The following ERICH6 variants were observed in gnomAD, a reference collection of about 807,000 sequenced individuals.
The protein encoded by ERICH6 is glutamate-rich protein 6.
A neutral mutation model predicts 71.0 loss-of-function variants in ERICH6; 71 were observed. The ratio of observed to expected loss-of-function variants is 1.00; its 90% CI spans 0.83 to 1.22. The LOEUF is 1.22. Ranked by LOEUF, ERICH6 falls within the 50% of genes most tolerant of loss-of-function variation. ERICH6 has a pLI of 0.00. For missense variants in ERICH6, 808 were observed against 797.2 expected, an observed-to-expected ratio of 1.01 and a Z score of -0.16; for synonymous variants, 262 against 278.4, an observed-to-expected ratio of 0.94 and a Z score of 0.59.
chr3:150,679,357 C>G (rs1298068057), intron 9 of ERICH6, among the ~76,000 whole-genome samples: 2 of 151,910 alleles, frequency 1.3e-5, no homozygotes, highest in Non-Finnish European at 2.9e-5. Flanking sequence ...GTCTTTTATC[C>G]CTCACTACCC....
chr3:150,666,709 A>C (rs912808282), intron 13 of ERICH6, 78 bp downstream of exon 13: 3 of 1,242,606 alleles, frequency 2.4e-6, no homozygotes, highest in Non-Finnish European at 3.4e-6. Context: ...GTAATCTATC[A>C]GTAATAATAC....
rs768530242 is a variant in ERICH6, at chr3:150,702,101, A to C, written c.461+20T>G. On this transcript the variant is annotated intron_variant, in intron 2 of 13. Transcript: ENST00000295910. ...CATTATTGGGTTCAAAAAATGTGAA[A>C]TTTGAAAACATTTTCTTACCTATCT... The C allele has an allele frequency of 6.7e-7, 1 of 1,497,744 alleles. No individual in the cohort carries two copies. The highest frequency in any genetic ancestry group is 9.2e-7 in the Non-Finnish European group (1 of 1,089,826). 92.8% of individuals were successfully genotyped at this position (1,497,744 alleles called of 1,614,324 possible). A position where few individuals can be genotyped will look rare whatever the true frequency, so the allele number is the denominator to read the frequency against.
chr3:150,694,137 C>T (rs1367162619), intron 3 of ERICH6, among the ~76,000 whole-genome samples: 1 of 152,050 alleles, frequency 6.6e-6, no homozygotes, highest in Non-Finnish European at 1.5e-5. Flanking sequence ...CTTCATAGGA[C>T]ATGAGACTTC....
intron 7 of ERICH6, among the ~76,000 whole-genome samples, chr3:150,681,669 C>A (rs1711942974): frequency 6.6e-6 from 1 of 152,190 alleles, no homozygotes; most frequent in Non-Finnish European, 1.5e-5. Flanking sequence ...CTCAGCAGTA[C>A]ATGTGGGTTC....
chr3:150,679,334 G>C (rs756828830), intron 9 of ERICH6, among the ~76,000 whole-genome samples: 4 of 152,074 alleles, frequency 2.6e-5, no homozygotes, highest in Non-Finnish European at 5.9e-5. Flanking sequence ...TACTACCTGA[G>C]CAGTGATGTG....
At chr3:150,667,807 T>G (rs762687945) in intron 12 of ERICH6, among the ~76,000 whole-genome samples, 5 of 152,170 alleles carry the variant, frequency 3.3e-5, no homozygotes, top group Non-Finnish European at 4.4e-5. Context: ...GATAATAAAT[T>G]ATTTTTTGAA....
chr3:150,673,273 G>C (rs553200505), intron 11 of ERICH6, among the ~76,000 whole-genome samples: 73 of 149,180 alleles, frequency 4.9e-4, no homozygotes, highest in African/African-American at 1.8e-3. Flanking sequence ...CTGCAGCCTT[G>C]ACCCCTCGGG....
Position 150,669,401 on chromosome 3 carries a change from C to A in ERICH6, c.1394G>T (p.Gly465Val). 6.2e-7 allele frequency: 1 copy of A among 1,613,628 alleles called. No individual in the cohort carries two copies. The highest frequency in any genetic ancestry group is 8.5e-7 in the Non-Finnish European group (1 of 1,179,800). The change falls in exon 12 of 14, where the codon GGT (glycine) becomes GTT (valine). Residue 465 changes from glycine (G) to valine (V), a missense_variant. Physicochemically the swap from Gly to Val is moderately radical, Grantham distance 109. This residue lies in a region of ERICH6 where 736 missense variants were observed against 712.2 expected (regional missense o/e 1.03). Coordinates refer to ENST00000295910, the MANE Select transcript of ERICH6 (RefSeq NM_152394.5). Reference protein sequence around the residue: ...AIIRVPNKVNGFTCIVQEDMP... With the variant: ...AIIRVPNKVNVFTCIVQEDMP... The stretch of plus-strand genomic sequence containing the variant: ...ATCTTCTTGGACTATACAAGTAAAA[C>A]CATTTACCTTGTTGGGCACTCGAAT...
At chr3:150,665,117 T>C (rs1293567442) in intron 13 of ERICH6, among the ~76,000 whole-genome samples, 1 of 152,150 alleles carries the variant, frequency 6.6e-6, no homozygotes, top group East Asian at 1.9e-4. Flanking sequence ...TGCAGATTTC[T>C]AACCAAGAAA....
chr3:150,667,000 G>A lies in ERICH6; in HGVS notation c.1515C>T (p.Ile505=). ...PNGNVWVYIN[I]LGGQYSDQAG... The stretch of plus-strand genomic sequence containing the variant: ...CTTGATCTGAATATTGACCTCCCAA[G>A]ATATTGATGTATACCCTGGTCAGGA... Residue 505 remains isoleucine (I), a synonymous_variant, in exon 13 of 14, where the codon ATC becomes ATT. Coordinates refer to ENST00000295910, the MANE Select transcript of ERICH6 (RefSeq NM_152394.5). 6.2e-7 allele frequency: 1 copy of A among 1,613,918 alleles called. No homozygotes were observed. Among genetic ancestry groups the A allele is most frequent in the Non-Finnish European group, 8.5e-7 (1 of 1,179,936 alleles).
rs898662804 is a variant in ERICH6, at chr3:150,680,504, T to C, written c.1075A>G (p.Ile359Val). The C allele has an allele frequency of 2.5e-6, 4 of 1,614,134 alleles. No individual in the cohort carries two copies. The highest frequency in any genetic ancestry group is 1.3e-5 in the African/African-American group (1 of 74,952). Residue 359 changes from isoleucine to valine, a missense_variant, in exon 9 of 14, where the codon ATA becomes GTA. Physicochemically the swap from Ile to Val is conservative, Grantham distance 29 (BLOSUM62 3). Transcript: ENST00000295910. The stretch of plus-strand genomic sequence containing the variant: ...AAATGAGTCTGTTCCCTTGATATTA[T>C]TGCAAAATGTCTGGCCATTCGTTGC... ...QEQRMARHFA[I>V]ISREQTHFSE...
chr3:150,696,543 A>G (rs1712664133), intron 3 of ERICH6, among the ~76,000 whole-genome samples: 1 of 152,174 alleles, frequency 6.6e-6, no homozygotes, highest in Non-Finnish European at 1.5e-5. Flanking sequence ...AAGAAGTATT[A>G]CAGATATGTA....
At chr3:150,681,979 T>C (rs1399903390) in intron 7 of ERICH6, among the ~76,000 whole-genome samples, 1 of 152,064 alleles carries the variant, frequency 6.6e-6, no homozygotes, top group Non-Finnish European at 1.5e-5. Context: ...CATGCCCGGC[T>C]AATTTTTTGT....
At chr3:150,661,096 T>C (rs2108033688) in intron 13 of ERICH6, among the ~76,000 whole-genome samples, 1 of 152,044 alleles carries the variant, frequency 6.6e-6, no homozygotes, top group Admixed American at 6.5e-5. Flanking sequence ...TCCAGCGGGG[T>C]TGGAATAAGA....
At chr3:150,686,940 G>A (rs551746184) in intron 3 of ERICH6, among the ~76,000 whole-genome samples, 1 of 152,302 alleles carries the variant, frequency 6.6e-6, no homozygotes, top group Admixed American at 6.5e-5. Flanking sequence ...GGAGGCCAAG[G>A]CGGGTGGATC....
Position 150,703,551 on chromosome 3 carries a change from C to G in ERICH6, c.348G>C (p.Ala116=), listed in dbSNP as rs1713023542. Reference sequence around the variant, plus strand: ...TTGCGCTCGGCGTTTCAGTGCTGGTCGCGCTCTGGCTGGGCACGAACGTAG... The same window carrying G: ...TTGCGCTCGGCGTTTCAGTGCTGGTGGCGCTCTGGCTGGGCACGAACGTAG... ...LTSTFVPSQS[A]TSTETPSASP... is the part of the protein sequence containing the mutation. Residue 116 remains alanine, a synonymous_variant, in exon 1 of 14, where the codon GCG becomes GCC. Coordinates refer to ENST00000295910, the MANE Select transcript of ERICH6 (RefSeq NM_152394.5). The G allele has an allele frequency of 1.9e-6, 3 of 1,612,648 alleles. No homozygotes were observed. The highest frequency in any genetic ancestry group is 2.5e-6 in the Non-Finnish European group (3 of 1,179,424).
At chr3:150,700,432 T>C (rs1009020705) in intron 2 of ERICH6, among the ~76,000 whole-genome samples, 5 of 151,566 alleles carry the variant, frequency 3.3e-5, no homozygotes, top group African/African-American at 9.7e-5. Flanking sequence ...GAGACCTATA[T>C]AAAAAATTCA....
chr3:150,679,063 A>G (rs1437194369), intron 9 of ERICH6, among the ~76,000 whole-genome samples: 1 of 149,442 alleles, frequency 6.7e-6, no homozygotes, highest in African/African-American at 2.5e-5. Context: ...AAAAAAGACA[A>G]TTTTCATTAA....
chr3:150,703,868 C>T lies in ERICH6; in HGVS notation c.31G>A (p.Gly11Arg), dbSNP rs781209272. Reference protein sequence around the residue: MAHLRSPSGFGDPGKKDQKES... With the variant: MAHLRSPSGFRDPGKKDQKES... ...TTCTGGTCCTTCTTCCCCGGGTCTC[C>T]GAAGCCGCTAGGCGAGCGCAAGTGG... Residue 11 changes from glycine to arginine, a missense_variant, in exon 1 of 14, where the codon GGA (glycine) becomes AGA (arginine). Physicochemically the swap from Gly to Arg is moderately radical, Grantham distance 125 (BLOSUM62 -2). Transcript: ENST00000295910. The T allele has an allele frequency of 2.5e-6, 4 of 1,613,568 alleles. No homozygotes were observed.
Sources: gnomAD v4.1 joint callset for allele counts (sites outside exome capture counted in the v4.1 genomes callset) on GRCh38, gnomAD v4.1.1 for gene constraint, gnomAD v4.1.1 regional missense constraint, MANE v1.5 for transcripts, NCBI Gene and HGNC (gene_info 2026-07-23, HGNC 2026-07-21) for gene names.